BCL11B: variants seen among roughly 807,000 people sequenced by gnomAD.
BCL11B encodes the protein BCL11 transcription factor B.
Under a neutral mutation model 49.9 loss-of-function variants are expected in BCL11B, and 8 were observed. That is an observed-to-expected ratio of 0.16 (90% CI 0.09 to 0.29). The LOEUF is 0.29. Among genes scored for constraint, BCL11B ranks in the 10% least tolerant of loss-of-function variants. The pLI is 1.00. For synonymous variants in BCL11B, 739 were observed against 637.4 expected (o/e 1.16, Z -2.40); for missense variants, 1,006 against 1,351.0 (o/e 0.74, Z 4.00).
chr14:99,211,555 T>C (rs566884787), intron 3 of BCL11B, among the ~76,000 whole-genome samples: 8 of 152,314 alleles, frequency 5.3e-5, no homozygotes, highest in South Asian at 2.1e-4. Flanking sequence ...CACAGACATA[T>C]GTGCACACAT....
rs1447369113 is a variant in BCL11B at position 99,241,979 on chromosome 14, C to G, written c.428-10422G>C. Among the ~76,000 whole-genome samples the G allele has an allele frequency of 6.6e-6, 1 of 152,128 alleles. No homozygotes were observed. Among genetic ancestry groups the G allele is most frequent in the African/African-American group, 2.4e-5 (1 of 41,420 alleles). Reference sequence around the variant, plus strand: ...ACATGATTTATTTAGCTGTGTTTAACGTGTCTGTCCTCCACTCGACTACAA... The same window carrying G: ...ACATGATTTATTTAGCTGTGTTTAAGGTGTCTGTCCTCCACTCGACTACAA... On this transcript the variant is annotated intron_variant, in intron 2 of 3. Transcript: ENST00000357195. This position sits in a 1 kb window ranked among gnomAD's most constrained non-coding sequence, Gnocchi z 4.4.
intron 3 of BCL11B, among the ~76,000 whole-genome samples, chr14:99,230,738 G>A (rs1888304985): frequency 6.6e-6 from 1 of 152,178 alleles, no homozygotes; most frequent in South Asian, 2.1e-4. Context: ...GTCTGGGTCT[G>A]GCCCAGAGCC....
intron 2 of BCL11B, among the ~76,000 whole-genome samples, chr14:99,255,436 CA>C (rs1360756241): frequency 4.1e-5 from 3 of 73,040 alleles, no homozygotes; most frequent in Admixed American, 1.5e-4. Flanking sequence ...AAAAAAAAAA[CA>C]GGGGGGCCAG....
intron 3 of BCL11B, among the ~76,000 whole-genome samples, chr14:99,200,405 G>A (rs1887343174): frequency 6.6e-6 from 1 of 152,246 alleles, no homozygotes; most frequent in African/African-American, 2.4e-5. Context: ...TCTATGGCTG[G>A]AGCCAGGGGA....
chr14:99,220,686 T>G (rs1887981778), intron 3 of BCL11B, among the ~76,000 whole-genome samples: 3 of 152,038 alleles, frequency 2.0e-5, no homozygotes, highest in African/African-American at 7.2e-5. Flanking sequence ...GCAATGTACT[T>G]ATTGCCACCG....
At position 99,185,446 on chromosome 14, in the gene BCL11B, G is replaced by A. The variant is rs28374993; in HGVS notation, c.641-9251C>T. Among the ~76,000 whole-genome samples the A allele has an allele frequency of 5.1e-3, 699 of 138,302 alleles. 3 individuals carry two copies. The highest frequency in any genetic ancestry group is 0.015 in the Middle Eastern group (4 of 260). The allele number at this position is 138,302 out of a possible 152,430, so 90.7% of individuals were successfully genotyped here. A position where few individuals can be genotyped will look rare whatever the true frequency, so the allele number is the denominator to read the frequency against. On this transcript the variant is annotated intron_variant, in intron 3 of 3. Coordinates refer to ENST00000357195, the MANE Select transcript of BCL11B (RefSeq NM_138576.4). ...AGTGAGACTCTGCCTTAAAAAAAAA[G>A]AAAAAAAAAAAAAAAACTATATGAC...
Position 99,175,279 on chromosome 14 carries a change from G to C in BCL11B, c.1557C>G (p.His519Gln), listed in dbSNP as rs1173999695. ...GGCCCAGCGACGGGTCGCTCTCGTG[G>C]TGGCGGAAGTCACCGTCGGCCGCCT... ...GLKAADGDFR[H>Q]HESDPSLGHE... The change falls in exon 4 of 4, where the codon CAC becomes CAG. Residue 519 changes from histidine to glutamine, a missense_variant. Around this residue, in one of 6 missense-constraint regions of BCL11B, gnomAD observed 443 missense variants for 499.7 expected, o/e 0.89. Coordinates refer to ENST00000357195, the MANE Select transcript of BCL11B (RefSeq NM_138576.4). 2 of 1,541,298 alleles carry C rather than the reference G, an allele frequency of 1.3e-6. No individual in the cohort carries two copies. Among genetic ancestry groups the C allele is most frequent in the Non-Finnish European group, 1.7e-6 (2 of 1,148,234 alleles).
chr14:99,217,882 A>G (rs1887898645), intron 3 of BCL11B, among the ~76,000 whole-genome samples: 1 of 151,880 alleles, frequency 6.6e-6, no homozygotes, highest in African/African-American at 2.4e-5. Flanking sequence ...TCCGAACTCC[A>G]CTCCCTGAAA....
chr14:99,217,646 T>C (rs1246820522), intron 3 of BCL11B, among the ~76,000 whole-genome samples: 4 of 152,170 alleles, frequency 2.6e-5, no homozygotes, highest in African/African-American at 9.7e-5. Flanking sequence ...GCTGCTGTTC[T>C]CTCAATGCTA....
chr14:99,189,064 C>G (rs757215814), intron 3 of BCL11B, among the ~76,000 whole-genome samples: 1 of 152,222 alleles, frequency 6.6e-6, no homozygotes, highest in African/African-American at 2.4e-5. Flanking sequence ...TTTGGGCCGA[C>G]GCAGATGGCA....
In BCL11B at chr14:99,175,390, G is replaced by C. The variant is rs370579015; in HGVS notation, c.1446C>G (p.Gly482=). Residue 482 remains glycine (G), a synonymous_variant, in exon 4 of 4, where the codon GGC becomes GGG. Transcript: ENST00000357195. ...CGTCGTCGGAGCGGCCGGCCAGCGA[G>C]CCGGCCTTGTGCATGTGCGTCTTCA... The part of the protein sequence containing the change: ...RHMKTHMHKA[G]SLAGRSDDGL... 6.3e-7 allele frequency: 1 copy of C among 1,599,554 alleles called. No individual in the cohort carries two copies. Among genetic ancestry groups the C allele is most frequent in the South Asian group, 1.1e-5 (1 of 90,308 alleles).
At chr14:99,218,297 G>A (rs1212264885) in intron 3 of BCL11B, among the ~76,000 whole-genome samples, 2 of 149,088 alleles carry the variant, frequency 1.3e-5, no homozygotes, top group Non-Finnish European at 3.0e-5. Flanking sequence ...AGCCAGGATG[G>A]TCTCGATCCC....
chr14:99,182,958 TCTACA>T (rs1886750548), intron 3 of BCL11B, among the ~76,000 whole-genome samples: 4 of 152,202 alleles, frequency 2.6e-5, no homozygotes, highest in African/African-American at 9.7e-5. Flanking sequence ...GAGAACTTTG[TCTACA>T]TCTGACTTTC....
intron 3 of BCL11B, among the ~76,000 whole-genome samples, chr14:99,179,747 T>C (rs1478671790): frequency 2.0e-5 from 3 of 152,076 alleles, no homozygotes; most frequent in Non-Finnish European, 4.4e-5. Flanking sequence ...ATCCTAAAAA[T>C]CACCCAGCCC....
rs1243381576 is a variant in BCL11B, at chr14:99,194,544, T to G, written c.641-18349A>C. ...GGTTCTATTCCCAACCAGCTATGAC[T>G]CGGCAGTTATTAGCTGGGCAACCCT... On this transcript the variant is annotated intron_variant, in intron 3 of 3. Coordinates refer to ENST00000357195, the MANE Select transcript of BCL11B (RefSeq NM_138576.4). The surrounding 1 kb of genome is among the most constrained non-coding windows in gnomAD (Gnocchi z 4.6). Among the ~76,000 whole-genome samples the G allele has an allele frequency of 2.0e-5, 3 of 152,298 alleles. No individual in the cohort carries two copies. Among genetic ancestry groups the G allele is most frequent in the African/African-American group, 7.2e-5 (3 of 41,564 alleles).
chr14:99,254,980 T>C (rs1411210683), intron 2 of BCL11B, among the ~76,000 whole-genome samples: 1 of 152,158 alleles, frequency 6.6e-6, no homozygotes, highest in East Asian at 1.9e-4. Flanking sequence ...ACTACTGCAG[T>C]CCTCGGAATT....
intron 1 of BCL11B, among the ~76,000 whole-genome samples, chr14:99,260,374 T>A (rs1370452967): frequency 2.0e-5 from 3 of 152,214 alleles, no homozygotes; most frequent in Non-Finnish European, 4.4e-5. Flanking sequence ...TTGGTTTTTT[T>A]AATTTAATCT....
Position 99,174,597 on chromosome 14 carries a change from T to G in BCL11B, c.2239A>C (p.Asn747His). 3 of 1,533,032 alleles carry G rather than the reference T, an allele frequency of 2.0e-6. No homozygotes were observed. The highest frequency in any genetic ancestry group is 2.6e-6 in the Non-Finnish European group (3 of 1,143,186). The allele number at this position is 1,533,032 out of a possible 1,614,324, so 95.0% of individuals were successfully genotyped here. A position where few individuals can be genotyped will look rare whatever the true frequency, so the allele number is the denominator to read the frequency against. Residue 747 changes from asparagine (N) to histidine (H), a missense_variant, in exon 4 of 4, where the codon AAC (asparagine) becomes CAC (histidine). Asn to His is a moderately conservative substitution (Grantham distance 68, BLOSUM62 1). This residue lies in a region of BCL11B where 443 missense variants were observed against 499.7 expected (regional missense o/e 0.89). Coordinates refer to ENST00000357195, the MANE Select transcript of BCL11B (RefSeq NM_138576.4). ...GGCGTGGAGAAGCGCAGGCTGCCGT[T>G]CTCGGACGAGTGCTCGGACGACGTG... ...FATSSEHSSE[N>H]GSLRFSTPPG...
At chr14:99,217,297 AATAC>A (rs1422416884) in intron 3 of BCL11B, among the ~76,000 whole-genome samples, 12 of 132,036 alleles carry the variant, frequency 9.1e-5, no homozygotes, top group South Asian at 6.5e-4. Context: ...CACACTCACA[AATAC>A]ATACACTTAC....
Sources: gnomAD v4.1 joint callset for allele counts (sites outside exome capture counted in the v4.1 genomes callset) on GRCh38, gnomAD v4.1.1 for gene constraint, gnomAD v4.1.1 regional missense constraint, Gnocchi (gnomAD v3.1) non-coding constraint, MANE v1.5 for transcripts, NCBI Gene and HGNC (gene_info 2026-07-23, HGNC 2026-07-21) for gene names.